ITGA8: variants seen among roughly 807,000 people sequenced by gnomAD.
The protein encoded by ITGA8 is integrin alpha-8.
In ITGA8, 91 loss-of-function variants were observed where a neutral mutation model predicts 142.3. The ratio of observed to expected loss-of-function variants is 0.64; its 90% CI spans 0.54 to 0.76. The LOEUF (loss-of-function observed/expected upper bound fraction) is 0.76. Ranked by LOEUF, ITGA8 falls within the 30% of genes least tolerant of loss-of-function variation. The pLI is 0.00. For synonymous variants in ITGA8, 505 were observed against 485.2 expected (o/e 1.04, Z -0.54); for missense variants, 1,406 against 1,327.7 (o/e 1.06, Z -0.92).
intron 25 of ITGA8, among the ~76,000 whole-genome samples, chr10:15,563,584 TAGCAGTA>T (rs1189525242): frequency 1.3e-5 from 2 of 152,152 alleles, no homozygotes; most frequent in Non-Finnish European, 2.9e-5. Context: ...TTATTATTAT[TAGCAGTA>T]AGCAGTAATA....
chr10:15,703,870 T>C (rs565336590), intron 2 of ITGA8, among the ~76,000 whole-genome samples: 2 of 152,226 alleles, frequency 1.3e-5, no homozygotes, highest in African/African-American at 4.8e-5. Context: ...CCCCCATTGA[T>C]TCAAGCACAT....
intron 13 of ITGA8, among the ~76,000 whole-genome samples, chr10:15,636,144 C>T (rs1833769427): frequency 6.6e-6 from 1 of 152,150 alleles, no homozygotes; most frequent in African/African-American, 2.4e-5. Context: ...CTGTACCGCC[C>T]CTCCTCCACC....
intron 27 of ITGA8, among the ~76,000 whole-genome samples, chr10:15,543,862 C>G (rs1833620049): frequency 6.6e-6 from 1 of 152,050 alleles, no homozygotes; most frequent in African/African-American, 2.4e-5. Flanking sequence ...AGGGTGGGCT[C>G]TAAATCCAGT....
chr10:15,633,855 G>A (rs562579172), intron 13 of ITGA8, among the ~76,000 whole-genome samples: 3 of 152,324 alleles, frequency 2.0e-5, no homozygotes, highest in Admixed American at 1.3e-4. Flanking sequence ...ACAAAGGGTT[G>A]TCAAAAGTAG....
intron 15 of ITGA8, among the ~76,000 whole-genome samples, chr10:15,611,813 A>ACC (rs200582201): frequency 4.6e-5 from 7 of 151,492 alleles, no homozygotes; most frequent in Non-Finnish European, 2.9e-5. Flanking sequence ...AAAAAAAAAA[A>ACC]AAAAAAACCA....
chr10:15,562,069 T>C (rs1416979334), intron 25 of ITGA8, among the ~76,000 whole-genome samples: 2 of 152,196 alleles, frequency 1.3e-5, no homozygotes, highest in African/African-American at 4.8e-5. Flanking sequence ...GTGATCCAAT[T>C]ACCTCCACCT....
Position 15,659,034 on chromosome 10 carries a change from C to T in ITGA8, c.913G>A (p.Asp305Asn). Residue 305 changes from aspartate (D) to asparagine (N), a missense_variant, in exon 10 of 30, where the codon GAT becomes AAT. Asp to Asn is a conservative substitution (Grantham distance 23). Coordinates refer to ENST00000378076, the MANE Select transcript of ITGA8 (RefSeq NM_003638.3). ...GTGAAATTCTGAATAAACGTCATAT[C>T]CGTAGAGTTAATGATGGAAACCTGA... is the stretch of plus-strand genomic sequence containing the variant. ...FGYVSIINST[D>N]MTFIQNFTGE... The T allele has an allele frequency of 6.2e-7, 1 of 1,607,090 alleles. No homozygotes were observed.
At chr10:15,684,270 T>C (rs1834796146) in intron 3 of ITGA8, 143 bp from the exon 4 acceptor site, 11 of 743,488 alleles carry the variant, frequency 1.5e-5, no homozygotes, top group Non-Finnish European at 2.3e-5. Flanking sequence ...GCCTTGGTCA[T>C]CAGAGGTAAT....
Position 15,555,548 on chromosome 10 carries a change from C to G in ITGA8, c.2766+2526G>C, listed in dbSNP as rs144693879. Reference sequence around the variant, plus strand: ...CAAGTCTAGGAGCCATTCACAGTTTCCGGGATGAACCCAGTCTGGAGAGGG... The same window carrying G: ...CAAGTCTAGGAGCCATTCACAGTTTGCGGGATGAACCCAGTCTGGAGAGGG... On this transcript the variant is annotated intron_variant, in intron 26 of 29. Coordinates refer to ENST00000378076, the MANE Select transcript of ITGA8 (RefSeq NM_003638.3). Among the ~76,000 whole-genome samples, 193 of 152,278 alleles carry G rather than the reference C, an allele frequency of 1.3e-3. 1 individual carries two copies. Among genetic ancestry groups the G allele is most frequent in the African/African-American group, 4.4e-3 (184 of 41,564 alleles).
intron 2 of ITGA8, among the ~76,000 whole-genome samples, chr10:15,713,689 G>T (rs1374650340): frequency 1.3e-5 from 2 of 152,126 alleles, no homozygotes; most frequent in African/African-American, 2.4e-5. Flanking sequence ...GCCAGTTGCA[G>T]AACCAGATGC....
At position 15,689,082 on chromosome 10, in the gene ITGA8, T is replaced by C. The variant is rs9333078; in HGVS notation, c.344-1044A>G. Among the ~76,000 whole-genome samples, 963 of 152,232 alleles carry C rather than the reference T, an allele frequency of 6.3e-3. 8 individuals carry two copies. Among genetic ancestry groups the C allele is most frequent in the African/African-American group, 0.022 (926 of 41,552 alleles). On this transcript the variant is annotated intron_variant, in intron 2 of 29. Transcript: ENST00000378076. ...TTTGCAGATGACATAGTCTTATATA[T>C]AGAATGCCCTAAAGATTTCACCAAG...
chr10:15,636,133 T>C (rs1833769190), intron 13 of ITGA8, among the ~76,000 whole-genome samples: 1 of 152,142 alleles, frequency 6.6e-6, no homozygotes, highest in East Asian at 1.9e-4. Context: ...CTCAACAAAA[T>C]CTGTACCGCC....
chr10:15,590,055 G>A (rs1832899775), intron 22 of ITGA8, among the ~76,000 whole-genome samples: 1 of 152,216 alleles, frequency 6.6e-6, no homozygotes, highest in Non-Finnish European at 1.5e-5. Context: ...GAGCCACTGT[G>A]CCCAGCCTCA....
At chr10:15,563,973 G>A (rs1834030253) in intron 25 of ITGA8, among the ~76,000 whole-genome samples, 1 of 152,014 alleles carries the variant, frequency 6.6e-6, no homozygotes, top group Non-Finnish European at 1.5e-5. Context: ...AACTTCCGGT[G>A]TGGTTTCATC....
intron 28 of ITGA8, among the ~76,000 whole-genome samples, chr10:15,523,893 C>G (rs1833116286): frequency 6.6e-6 from 1 of 152,128 alleles, no homozygotes; most frequent in South Asian, 2.1e-4. Flanking sequence ...GATCGCACCA[C>G]TGCACTCCAG....
At chr10:15,677,181 A>C (rs749899199) in intron 6 of ITGA8, among the ~76,000 whole-genome samples, 1 of 152,236 alleles carries the variant, frequency 6.6e-6, no homozygotes, top group Non-Finnish European at 1.5e-5. Flanking sequence ...TAATGTACAC[A>C]AAAGTACAGC....
intron 26 of ITGA8, among the ~76,000 whole-genome samples, chr10:15,550,252 A>G (rs1189590866): frequency 1.3e-5 from 2 of 152,194 alleles, no homozygotes; most frequent in African/African-American, 2.4e-5. Context: ...TCGTGAGCCC[A>G]TTAAGCCTCT....
intron 2 of ITGA8, among the ~76,000 whole-genome samples, chr10:15,689,263 A>G (rs1388538074): frequency 6.6e-6 from 1 of 152,210 alleles, no homozygotes; most frequent in Non-Finnish European, 1.5e-5. Context: ...TCCCTTACAA[A>G]AAAGGACCAA....
intron 25 of ITGA8, among the ~76,000 whole-genome samples, chr10:15,562,653 G>T (rs988119831): frequency 6.6e-6 from 1 of 152,170 alleles, no homozygotes; most frequent in African/African-American, 2.4e-5. Flanking sequence ...GAGGAGAAAG[G>T]AAAGTTGAGT....
Sources: gnomAD v4.1 joint callset for allele counts (sites outside exome capture counted in the v4.1 genomes callset) on GRCh38, gnomAD v4.1.1 for gene constraint, MANE v1.5 for transcripts, NCBI Gene and HGNC (gene_info 2026-07-23, HGNC 2026-07-21) for gene names.